LUC7L2: variants seen among roughly 807,000 people sequenced by gnomAD.
The protein encoded by LUC7L2 is LUC7 like 2, pre-mRNA splicing factor, also known as putative RNA-binding protein Luc7-like 2.
LUC7L2 carries 25 observed loss-of-function variants against 52.8 expected under a neutral mutation model. That is an observed-to-expected ratio of 0.47 (90% confidence interval 0.34 to 0.66). The LOEUF (loss-of-function observed/expected upper bound fraction) is 0.66. LUC7L2 is among the 30% of genes least tolerant of loss of function. The pLI, the probability that LUC7L2 is intolerant of heterozygous loss-of-function variation, is 0.01. For missense variants in LUC7L2, 328 were observed against 497.8 expected (o/e 0.66, Z 3.25); for synonymous variants, 144 against 160.9 (o/e 0.89, Z 0.80).
intron 1 of LUC7L2, among the ~76,000 whole-genome samples, chr7:139,343,628 A>G (rs1323983170): frequency 6.6e-6 from 1 of 152,138 alleles, no homozygotes; most frequent in Non-Finnish European, 1.5e-5. Context: ...CTAACACTAG[A>G]TATTCAAATA....
rs1446403734 is a variant in LUC7L2, at chr7:139,412,587, G to A, written c.809+7G>A. 5.0e-6 allele frequency: 8 copies of A among 1,603,802 alleles called. No homozygotes were observed. The highest frequency in any genetic ancestry group is 6.8e-6 in the Non-Finnish European group (8 of 1,176,668). ...ACAGCAAGAATCCAAAAAGGTAGGT[G>A]TATTACATAAGACAGGTATAAGTAG... On this transcript the variant is annotated splice_region_variant and intron_variant, in intron 8 of 9. Coordinates refer to ENST00000354926, the MANE Select transcript of LUC7L2 (RefSeq NM_016019.5).
chr7:139,379,817 C>T (rs187472926), intron 2 of LUC7L2, among the ~76,000 whole-genome samples: 9 of 151,928 alleles, frequency 5.9e-5, no homozygotes, highest in Non-Finnish European at 1.0e-4. Context: ...CTGCCTGCCT[C>T]GGCCTCCTAA....
chr7:139,370,580 C>G (rs1246060581), intron 1 of LUC7L2, among the ~76,000 whole-genome samples: 2 of 152,188 alleles, frequency 1.3e-5, no homozygotes, highest in East Asian at 3.9e-4. Context: ...ACCCCAGCCT[C>G]TGTAGCTGAT....
intron 9 of LUC7L2, among the ~76,000 whole-genome samples, chr7:139,421,896 T>TCTCC (rs1391509827): frequency 1.3e-5 from 2 of 151,996 alleles, no homozygotes; most frequent in Non-Finnish European, 2.9e-5. Flanking sequence ...TTGGAGAAAC[T>TCTCC]CTGTGTTGTC....
intron 1 of LUC7L2, among the ~76,000 whole-genome samples, chr7:139,365,994 T>G (rs1800133570): frequency 6.6e-6 from 1 of 152,220 alleles, no homozygotes; most frequent in South Asian, 2.1e-4. Flanking sequence ...GCAAGATTAT[T>G]GAGGATATAG....
upstream of LUC7L2, among the ~76,000 whole-genome samples, chr7:139,358,855 A>G (rs1799709733): frequency 6.6e-6 from 1 of 151,872 alleles, no homozygotes; most frequent in Admixed American, 6.6e-5. Context: ...TAATTTTTAT[A>G]TTTTTAGTAG....
rs1327220435 is a variant in LUC7L2, at chr7:139,403,243, T to A, written c.366+996T>A. Among the ~76,000 whole-genome samples, 5 of 152,236 alleles carry A rather than the reference T, an allele frequency of 3.3e-5. No individual in the cohort carries two copies. The South Asian group carries it at 8.3e-4, about 25-fold the overall frequency. ...ATACATAAAGTTAACAGTAATTTTT[T>A]AATGTTATCCAGTGTATGTTTATTT... On this transcript the variant is annotated intron_variant, in intron 4 of 9. Transcript: ENST00000354926.
chr7:139,376,457 T>C (rs1800717642), intron 2 of LUC7L2, among the ~76,000 whole-genome samples: 1 of 152,228 alleles, frequency 6.6e-6, no homozygotes, highest in African/African-American at 2.4e-5. Flanking sequence ...ATAAAATAAT[T>C]TATTTTTAAA....
chr7:139,359,746 C>A, upstream of LUC7L2: 2 of 400,290 alleles, frequency 5.0e-6, no homozygotes, highest in South Asian at 2.2e-4. Context: ...ATCGCGAGAT[C>A]CGGGGTAAAG....
chr7:139,391,427 A>G (rs1794443569), intron 2 of LUC7L2, among the ~76,000 whole-genome samples: 1 of 152,210 alleles, frequency 6.6e-6, no homozygotes, highest in Non-Finnish European at 1.5e-5. Context: ...TATCGTTTAT[A>G]TATTCATTAA....
At chr7:139,366,821 C>T (rs1001648715) in intron 1 of LUC7L2, among the ~76,000 whole-genome samples, 49 of 152,280 alleles carry the variant, frequency 3.2e-4, no homozygotes, top group African/African-American at 1.1e-3. Context: ...TTCTTGGACC[C>T]ACCTACTGAG....
chr7:139,366,274 A>G (rs993244672), intron 1 of LUC7L2, among the ~76,000 whole-genome samples: 1 of 152,256 alleles, frequency 6.6e-6, no homozygotes, highest in Non-Finnish European at 1.5e-5. Context: ...AAAGGAATTT[A>G]ACCAGCTGCC....
intron 1 of LUC7L2, among the ~76,000 whole-genome samples, chr7:139,370,266 C>T (rs1800377590): frequency 6.6e-6 from 1 of 152,050 alleles, no homozygotes; most frequent in Non-Finnish European, 1.5e-5. Flanking sequence ...AGGTTAATTA[C>T]AAAAGGATTT....
intron 3 of LUC7L2, among the ~76,000 whole-genome samples, chr7:139,400,028 G>A (rs1036088674): frequency 6.6e-6 from 1 of 152,136 alleles, no homozygotes; most frequent in East Asian, 1.9e-4. Context: ...CAACAAACAG[G>A]TCCTCTTGTC....
chr7:139,375,537 A>T (rs951280468), intron 1 of LUC7L2: 3 of 985,528 alleles, frequency 3.0e-6, no homozygotes, highest in Admixed American at 6.1e-5. Context: ...GCTGGAACAA[A>T]ATAGTGGAAG....
intron 9 of LUC7L2, among the ~76,000 whole-genome samples, chr7:139,418,230 T>TAATCTG (rs1795715843): frequency 1.5e-5 from 1 of 66,690 alleles, no homozygotes; most frequent in African/African-American, 4.1e-4. Context: ...GGCAGACTAA[T>TAATCTG]AAGGAGGTTC....
intron 2 of LUC7L2, chr7:139,392,258 T>C (rs1794477088): frequency 6.0e-6 from 1 of 166,872 alleles, no homozygotes; most frequent in African/African-American, 2.4e-5. Context: ...ATTATCAGGT[T>C]TATTCAGTAG....
rs181715533 is a variant in LUC7L2 at position 139,417,870 on chromosome 7, G to A, written c.1001+141G>A. ...GGTAATATGTACACATTTATGTGTG[G>A]GTGTACAACATTTTTCTGTGATTAT... On this transcript the variant is annotated intron_variant, in intron 9 of 9. Coordinates refer to ENST00000354926, the MANE Select transcript of LUC7L2 (RefSeq NM_016019.5). The A allele has an allele frequency of 1.5e-4, 170 of 1,169,188 alleles. 2 individuals carry two copies. In the East Asian group the frequency reaches 4.4e-3, roughly 30 times the overall value. 72.4% of individuals were successfully genotyped at this position (1,169,188 alleles called of 1,614,324 possible).
chr7:139,342,728 T>G (rs565166643), intron 1 of LUC7L2, among the ~76,000 whole-genome samples: 11 of 152,284 alleles, frequency 7.2e-5, no homozygotes, highest in African/African-American at 2.4e-4. Context: ...TCCCAAAGTG[T>G]TGTAATTACA....
Sources: allele counts gnomAD v4.1 joint callset (sites outside exome capture counted in the v4.1 genomes callset), GRCh38; gene constraint gnomAD v4.1.1; transcripts MANE v1.5; gene names NCBI Gene and HGNC (gene_info 2026-07-23, HGNC 2026-07-21).